The following GRID2 variants were observed in gnomAD, a reference collection of about 807,000 sequenced individuals.
The protein encoded by GRID2 is glutamate receptor ionotropic, delta-2.
Under a neutral mutation model 114.8 loss-of-function variants are expected in GRID2, and 33 were observed. That is an observed-to-expected ratio of 0.29 (90% confidence interval 0.22 to 0.38). The LOEUF (loss-of-function observed/expected upper bound fraction) is 0.38. Among genes scored for constraint, GRID2 ranks in the 10% least tolerant of loss-of-function variants. The probability of loss-of-function intolerance (pLI) is 1.00; values close to 1 mark genes in which losing one functional copy is unlikely to be tolerated. For missense variants in GRID2, 1,184 were observed against 1,257.7 expected (o/e 0.94, Z 0.89); for synonymous variants, 505 against 449.9 (o/e 1.12, Z -1.55).
chr4:93,804,492 A>G (rs1362198312), intron 1 of GRID2, among the ~76,000 whole-genome samples: 2 of 152,190 alleles, frequency 1.3e-5, no homozygotes, highest in Non-Finnish European at 2.9e-5. Flanking sequence ...ATATCTACAC[A>G]TGTCTAAACA....
intron 8 of GRID2, among the ~76,000 whole-genome samples, chr4:93,253,589 T>G (rs923076779): frequency 4.6e-5 from 7 of 151,976 alleles, no homozygotes; most frequent in African/African-American, 1.7e-4. Flanking sequence ...AATCCAAAGA[T>G]TTACTAAGCA....
intron 13 of GRID2, among the ~76,000 whole-genome samples, chr4:93,554,535 A>T (rs1345913555): frequency 6.6e-6 from 1 of 152,174 alleles, no homozygotes; most frequent in Admixed American, 6.5e-5. Context: ...TAATGATGAA[A>T]TCAGGGCAAT....
rs543246367 is a variant in GRID2 at position 93,665,549 on chromosome 4, C to T, written c.2360+39114C>T. Among the ~76,000 whole-genome samples the T allele has an allele frequency of 4.6e-5, 7 of 152,284 alleles. No individual in the cohort carries two copies. In the South Asian group the frequency reaches 1.4e-3, roughly 32 times the overall value. ...AAAACAGTCAAAACTGCTTCACTTC[C>T]AGTGTGCTCCATCACCTCAAAATCT... is the stretch of plus-strand genomic sequence containing the variant. On this transcript the variant is annotated intron_variant, in intron 14 of 15. Transcript: ENST00000282020.
chr4:92,824,308 A>G (rs1255124538), intron 2 of GRID2, among the ~76,000 whole-genome samples: 1 of 152,010 alleles, frequency 6.6e-6, no homozygotes, highest in African/African-American at 2.4e-5. Context: ...TGATCTTTTT[A>G]TTATCTCCAA....
In GRID2 at chr4:93,110,396, G is replaced by C. The variant is rs115012896; in HGVS notation, c.530-352G>C. 2.3e-3 allele frequency among the ~76,000 whole-genome samples: 343 copies of C among 152,168 alleles called. 1 individual carries two copies. The highest frequency in any genetic ancestry group is 7.8e-3 in the African/African-American group (325 of 41,520). ...TTAATATTACTCTTTAAAATGCTAAGGAAAATAGGGAATGTCTTTCCCTTC... is the reference window on the plus strand; with the variant it reads ...TTAATATTACTCTTTAAAATGCTAACGAAAATAGGGAATGTCTTTCCCTTC... On this transcript the variant is annotated intron_variant, in intron 3 of 15. Coordinates refer to ENST00000282020, the MANE Select transcript of GRID2 (RefSeq NM_001510.4).
chr4:93,415,807 A>T (rs1360560208), intron 9 of GRID2, among the ~76,000 whole-genome samples: 2 of 152,068 alleles, frequency 1.3e-5, no homozygotes, highest in Non-Finnish European at 2.9e-5. Context: ...TGCTCAATTT[A>T]AAATATTTGT....
intron 2 of GRID2, among the ~76,000 whole-genome samples, chr4:92,861,338 C>A (rs2149435243): frequency 6.6e-6 from 1 of 152,182 alleles, no homozygotes; most frequent in Admixed American, 6.5e-5. Context: ...ATTATATAAC[C>A]TAATCATAGG....
intron 8 of GRID2, among the ~76,000 whole-genome samples, chr4:93,257,970 A>ATG (rs929411475): frequency 2.5e-4 from 22 of 86,610 alleles, no homozygotes; most frequent in South Asian, 2.3e-3. Flanking sequence ...TACACACAAT[A>ATG]TGTGTGTGTA....
intron 1 of GRID2, among the ~76,000 whole-genome samples, chr4:92,482,746 C>T (rs1056005604): frequency 3.3e-5 from 5 of 152,096 alleles, no homozygotes; most frequent in African/African-American, 4.8e-5. Context: ...AATCTAGAGA[C>T]GCATAACTTA....
chr4:93,582,579 A>G (rs1737088133), intron 13 of GRID2, among the ~76,000 whole-genome samples: 1 of 152,234 alleles, frequency 6.6e-6, no homozygotes, highest in Admixed American at 6.5e-5. Flanking sequence ...TTTATCAGAA[A>G]TAGAATGAGA....
At chr4:92,418,756 A>C (rs1387875582) in intron 1 of GRID2, among the ~76,000 whole-genome samples, 1 of 152,048 alleles carries the variant, frequency 6.6e-6, no homozygotes, top group Non-Finnish European at 1.5e-5. Flanking sequence ...CATTAGGTTA[A>C]TGTTTGTTTA....
chr4:92,451,238 C>T (rs762657333), intron 1 of GRID2, among the ~76,000 whole-genome samples: 1 of 151,870 alleles, frequency 6.6e-6, no homozygotes, highest in Non-Finnish European at 1.5e-5. Context: ...TTGGAGAATA[C>T]GTGTTTGAAT....
intron 12 of GRID2, among the ~76,000 whole-genome samples, chr4:93,495,679 A>G (rs1447377246): frequency 1.3e-5 from 2 of 151,784 alleles, no homozygotes; most frequent in East Asian, 3.9e-4. Context: ...TAATGCATGT[A>G]TATTTACAGC....
chr4:93,504,788 A>G lies in GRID2; in HGVS notation c.1998-10428A>G, dbSNP rs534242755. ...AAGGTTCACAAATTATGCAAAAACT[A>G]AAATACAAGAGAAAAAAAAATGGTT... On this transcript the variant is annotated intron_variant, in intron 12 of 15. Coordinates refer to ENST00000282020, the MANE Select transcript of GRID2 (RefSeq NM_001510.4). 5.3e-5 allele frequency among the ~76,000 whole-genome samples: 8 copies of G among 152,194 alleles called. No individual in the cohort carries two copies. The South Asian group carries it at 1.7e-3, about 32-fold the overall frequency.
chr4:93,291,477 A>G (rs1236857814), intron 8 of GRID2, among the ~76,000 whole-genome samples: 3 of 152,154 alleles, frequency 2.0e-5, no homozygotes, highest in African/African-American at 7.2e-5. Flanking sequence ...CGTATAGTAA[A>G]CACTATATAT....
At chr4:92,373,582 C>T (rs931937924) in intron 1 of GRID2, among the ~76,000 whole-genome samples, 1 of 152,188 alleles carries the variant, frequency 6.6e-6, no homozygotes, top group Non-Finnish European at 1.5e-5. Context: ...TGAATATTTT[C>T]TAGCTCAACA....
chr4:93,082,730 T>C (rs2094435297), intron 2 of GRID2, among the ~76,000 whole-genome samples: 2 of 152,182 alleles, frequency 1.3e-5, no homozygotes, highest in South Asian at 4.1e-4. Flanking sequence ...TTTCAGTTAT[T>C]CTTGCTAATA....
At chr4:93,351,617 A>G (rs1760813812) in intron 8 of GRID2, among the ~76,000 whole-genome samples, 1 of 152,080 alleles carries the variant, frequency 6.6e-6, no homozygotes, top group Non-Finnish European at 1.5e-5. Context: ...GAGTTAAGTC[A>G]GTGATAATAG....
intron 8 of GRID2, among the ~76,000 whole-genome samples, chr4:93,372,098 G>A (rs1002204162): frequency 3.3e-5 from 5 of 152,092 alleles, no homozygotes; most frequent in Non-Finnish European, 7.4e-5. Flanking sequence ...ATATTTTGAT[G>A]TAGATGTAAG....
Sources: gnomAD v4.1 joint callset for allele counts (sites outside exome capture counted in the v4.1 genomes callset) on GRCh38, gnomAD v4.1.1 for gene constraint, MANE v1.5 for transcripts, NCBI Gene and HGNC (gene_info 2026-07-23, HGNC 2026-07-21) for gene names.